NLK: variants seen among roughly 807,000 people sequenced by gnomAD.
The protein encoded by NLK is serine/threonine-protein kinase NLK.
NLK carries 11 observed loss-of-function variants against 59.0 expected under a neutral mutation model. That is an observed-to-expected ratio of 0.19 (90% CI 0.12 to 0.31). The LOEUF (loss-of-function observed/expected upper bound fraction) is 0.31. Ranked by LOEUF, NLK falls within the 10% of genes least tolerant of loss-of-function variation. The probability of loss-of-function intolerance (pLI) is 1.00; values close to 1 mark genes in which losing one functional copy is unlikely to be tolerated. For missense variants in NLK, 410 were observed against 661.1 expected (o/e 0.62, Z 4.16); for synonymous variants, 235 against 235.9 (o/e 1.00, Z 0.03).
At chr17:28,078,319 T>C (rs1427388604) in intron 1 of NLK, among the ~76,000 whole-genome samples, 2 of 152,242 alleles carry the variant, frequency 1.3e-5, no homozygotes, top group Non-Finnish European at 2.9e-5. Context: ...CTTTTGATTA[T>C]ATGATAAATT....
At chr17:28,115,858 G>GT (rs1285192870) in intron 1 of NLK, among the ~76,000 whole-genome samples, 5 of 151,334 alleles carry the variant, frequency 3.3e-5, no homozygotes, top group East Asian at 1.9e-4. Context: ...ATTATAAATA[G>GT]TTTTTTATAA....
At chr17:28,111,899 GTGTGTGTGTGTGTGT>G (rs1905525768) in intron 1 of NLK, among the ~76,000 whole-genome samples, 3 of 76,198 alleles carry the variant, frequency 3.9e-5, no homozygotes, top group African/African-American at 5.3e-5. Flanking sequence ...TGTGTGTGGT[GTGTGTGTGTGTGTGT>G]GTGTGTGTGT....
intron 7 of NLK, among the ~76,000 whole-genome samples, chr17:28,174,882 C>T (rs1328273230): frequency 2.6e-5 from 4 of 152,012 alleles, no homozygotes; most frequent in Non-Finnish European, 1.5e-5. Flanking sequence ...TCTTGTTGGC[C>T]TATTAGCAGC....
At chr17:28,080,086 T>C (rs753827053) in intron 1 of NLK, among the ~76,000 whole-genome samples, 7 of 152,188 alleles carry the variant, frequency 4.6e-5, no homozygotes, top group Non-Finnish European at 1.0e-4. Flanking sequence ...CGACTTCAGA[T>C]CTACAAACTG....
chr17:28,077,447 G>A lies in NLK; in HGVS notation c.458+34116G>A, dbSNP rs142158954. Among the ~76,000 whole-genome samples the A allele has an allele frequency of 1.6e-4, 25 of 152,122 alleles. 1 individual carries two copies. The East Asian group carries it at 4.4e-3, about 27-fold the overall frequency. ...CTCATGATTCAAATTACCTCCCACC[G>A]GGTCCCTCCCACAACATGTAGGAAT... On this transcript the variant is annotated intron_variant, in intron 1 of 10. Coordinates refer to ENST00000407008, the MANE Select transcript of NLK (RefSeq NM_016231.5).
chr17:28,081,998 A>T (rs1910362845), intron 1 of NLK, among the ~76,000 whole-genome samples: 1 of 152,080 alleles, frequency 6.6e-6, no homozygotes, highest in Non-Finnish European at 1.5e-5. Context: ...GGTTCAAGTG[A>T]TTCTCTTGCC....
chr17:28,062,959 A>G (rs1412462594), intron 1 of NLK, among the ~76,000 whole-genome samples: 1 of 152,168 alleles, frequency 6.6e-6, no homozygotes, highest in African/African-American at 2.4e-5. Flanking sequence ...GGTTTTTGAG[A>G]CAGCTCTGTC....
Position 28,068,084 on chromosome 17 carries a change from T to G in NLK, c.458+24753T>G, listed in dbSNP as rs11871733. Among the ~76,000 whole-genome samples the G allele has an allele frequency of 8.8e-3, 1,264 of 142,842 alleles. 19 individuals are homozygous for G. Among genetic ancestry groups the G allele is most frequent in the African/African-American group, 0.031 (1,195 of 38,098 alleles). 93.7% of individuals were successfully genotyped at this position (142,842 alleles called of 152,430 possible). A position where few individuals can be genotyped will look rare whatever the true frequency, so the allele number is the denominator to read the frequency against. ...TGAAGCCGAGAGGTGGAGGTTGCAG[T>G]AAGCCGAGAGGGAGCCACCACACTC... On this transcript the variant is annotated intron_variant, in intron 1 of 10. Transcript: ENST00000407008.
At chr17:28,187,463 C>T (rs568185230) in intron 8 of NLK, among the ~76,000 whole-genome samples, 16 of 152,216 alleles carry the variant, frequency 1.1e-4, no homozygotes, top group African/African-American at 3.4e-4. Context: ...CCACCACACC[C>T]GGCTAATTTT....
chr17:28,056,187 C>G (rs1909436896), intron 1 of NLK, among the ~76,000 whole-genome samples: 1 of 152,158 alleles, frequency 6.6e-6, no homozygotes, highest in South Asian at 2.1e-4. Context: ...AATTTTGTAT[C>G]CTGTTTGTTT....
chr17:28,202,977 C>T, the NLK span, among the ~76,000 whole-genome samples: 11 of 151,864 alleles, frequency 7.2e-5, no homozygotes, highest in South Asian at 4.2e-4. Context: ...CCACTGCGCC[C>T]GGCCATTTCT....
At chr17:28,050,237 T>G (rs1909200616) in intron 1 of NLK, among the ~76,000 whole-genome samples, 1 of 151,782 alleles carries the variant, frequency 6.6e-6, no homozygotes, top group Non-Finnish European at 1.5e-5. Flanking sequence ...CTTCAATGAG[T>G]TTTAAGAATG....
intron 3 of NLK, among the ~76,000 whole-genome samples, chr17:28,156,885 G>T (rs566220625): frequency 6.6e-6 from 1 of 152,178 alleles, no homozygotes; most frequent in African/African-American, 2.4e-5. Flanking sequence ...ACCAGCCATC[G>T]ATGGTGCCTA....
chr17:28,145,092 G>A (rs932411643), intron 3 of NLK, among the ~76,000 whole-genome samples: 3 of 152,130 alleles, frequency 2.0e-5, no homozygotes, highest in Admixed American at 6.6e-5. Context: ...AAAATTACAC[G>A]TTTAATTGAT....
At chr17:28,179,841 C>T (rs1434530562) in intron 7 of NLK, among the ~76,000 whole-genome samples, 1 of 149,078 alleles carries the variant, frequency 6.7e-6, no homozygotes, top group African/African-American at 2.5e-5. Flanking sequence ...CCACCGTGCC[C>T]AGTTCTAGGG....
chr17:28,145,263 A>C (rs1320175430), intron 3 of NLK, among the ~76,000 whole-genome samples: 1 of 152,100 alleles, frequency 6.6e-6, no homozygotes. Context: ...GGGGACTATT[A>C]ATCAGTTATA....
chr17:28,200,685 T>C (rs1032760653), downstream of NLK, among the ~76,000 whole-genome samples: 5 of 152,226 alleles, frequency 3.3e-5, no homozygotes, highest in African/African-American at 1.2e-4. Flanking sequence ...GGTTTCACCA[T>C]GTTGGCCAGG....
rs957028971 is a variant in NLK at position 28,111,353 on chromosome 17, A to ATT, written c.459-11236_459-11235dup. On this transcript the variant is annotated intron_variant, in intron 1 of 10. Transcript: ENST00000407008. Reference sequence around the variant, plus strand: ...AGATGCATGCCACCATGCCTGGCTAATTTTTTTTTTTTTTTAGTAGACACA... The same window carrying ATT: ...AGATGCATGCCACCATGCCTGGCTAATTTTTTTTTTTTTTTTTAGTAGACACA... Among the ~76,000 whole-genome samples, 14 of 143,348 alleles carry ATT rather than the reference A, an allele frequency of 9.8e-5. 1 individual carries two copies. Among genetic ancestry groups the ATT allele is most frequent in the Admixed American group, 4.2e-4 (6 of 14,372 alleles). The allele number at this position is 143,348 out of a possible 152,430, so 94.0% of individuals were successfully genotyped here. A position where few individuals can be genotyped will look rare whatever the true frequency, so the allele number is the denominator to read the frequency against.
chr17:28,099,149 T>C (rs1904811209), intron 1 of NLK, among the ~76,000 whole-genome samples: 1 of 152,190 alleles, frequency 6.6e-6, no homozygotes, highest in Non-Finnish European at 1.5e-5. Context: ...TCATCACTAG[T>C]GTAATTCTTG....
Sources: allele counts gnomAD v4.1 joint callset (sites outside exome capture counted in the v4.1 genomes callset), GRCh38; gene constraint gnomAD v4.1.1; transcripts MANE v1.5; gene names NCBI Gene and HGNC (gene_info 2026-07-23, HGNC 2026-07-21).